Variants in SLC2A13 observed in about 807,000 individuals in gnomAD.
The protein encoded by SLC2A13 is proton myo-inositol cotransporter.
Under a neutral mutation model 64.4 loss-of-function variants are expected in SLC2A13, and 32 were observed. The observed-to-expected ratio is 0.50, with a 90% CI of 0.37 to 0.67. The LOEUF (loss-of-function observed/expected upper bound fraction) is 0.67. Among genes scored for constraint, SLC2A13 ranks in the 30% least tolerant of loss-of-function variants. The pLI is 0.00. For missense variants in SLC2A13, 743 were observed against 829.2 expected (o/e 0.90, Z 1.28); for synonymous variants, 338 against 327.1 (o/e 1.03, Z -0.36).
chr12:39,880,985 G>C (rs1565516943), intron 4 of SLC2A13, among the ~76,000 whole-genome samples: 2 of 152,202 alleles, frequency 1.3e-5, no homozygotes, highest in Admixed American at 1.3e-4. Context: ...TTTCCCATTT[G>C]TTGAATTGTA....
At chr12:40,038,774 G>GAAAGGA (rs1555156099) in intron 2 of SLC2A13, among the ~76,000 whole-genome samples, 52 of 150,412 alleles carry the variant, frequency 3.5e-4, no homozygotes, top group African/African-American at 1.2e-3. Context: ...AAGGGAAGGG[G>GAAAGGA]AAAGGGAAAG....
At chr12:39,951,768 C>G (rs2136101969) in intron 3 of SLC2A13, among the ~76,000 whole-genome samples, 1 of 152,186 alleles carries the variant, frequency 6.6e-6, no homozygotes, top group Non-Finnish European at 1.5e-5. Context: ...TTAAAAGTCA[C>G]TGGCAAAATT....
intron 3 of SLC2A13, among the ~76,000 whole-genome samples, chr12:39,990,670 G>A (rs570367607): frequency 2.0e-5 from 3 of 152,156 alleles, no homozygotes; most frequent in Non-Finnish European, 2.9e-5. Flanking sequence ...CTACGACTAG[G>A]TGGTTGTGAC....
intron 1 of SLC2A13, among the ~76,000 whole-genome samples, chr12:40,059,857 G>A (rs1206997708): frequency 6.6e-6 from 1 of 152,134 alleles, no homozygotes; most frequent in Non-Finnish European, 1.5e-5. Context: ...GGTATAGGGA[G>A]GATGCTCTCT....
rs981342578 is a variant in SLC2A13 at position 39,896,382 on chromosome 12, A to C, written c.1035-24421T>G. Among the ~76,000 whole-genome samples the C allele has an allele frequency of 1.1e-4, 14 of 128,870 alleles. 1 individual carries two copies. The highest frequency in any genetic ancestry group is 9.9e-4 in the Admixed American group (13 of 13,124). The allele number at this position is 128,870 out of a possible 152,430, so 84.5% of individuals were successfully genotyped here. On this transcript the variant is annotated intron_variant, in intron 4 of 9. Transcript: ENST00000280871. ...TGTGTATATATGTATACATATATGT[A>C]TGTATATGTGTATATATGTATACAT...
At chr12:40,091,084 T>G (rs1231275886) in intron 1 of SLC2A13, among the ~76,000 whole-genome samples, 2 of 152,184 alleles carry the variant, frequency 1.3e-5, no homozygotes, top group Non-Finnish European at 2.9e-5. Context: ...CTGTACAGCA[T>G]GTTATTGTAC....
chr12:39,983,205 G>A (rs1210652308), intron 3 of SLC2A13, among the ~76,000 whole-genome samples: 5 of 149,980 alleles, frequency 3.3e-5, no homozygotes, highest in Admixed American at 3.3e-4. Context: ...TTAAACATTA[G>A]ACCTAAAACC....
rs1291572310 is a variant in SLC2A13 at position 40,105,302 on chromosome 12, G to C, written c.507C>G (p.Asn169Lys). ...TAGSAVLAAA[N>K]NKETLLAGRL... ...GGCCGGCGAGCAGTGTCTCCTTGTT[G>C]TTGGCCGCAGCCAGCACCGCGGAGC... The change falls in exon 1 of 10, where the codon AAC becomes AAG. Residue 169 changes from asparagine to lysine, a missense_variant. Around this residue, in one of 2 missense-constraint regions of SLC2A13, gnomAD observed 448 missense variants for 447.4 expected, o/e 1.00. Coordinates refer to ENST00000280871, the MANE Select transcript of SLC2A13 (RefSeq NM_052885.4). This position sits in a 1 kb window ranked among gnomAD's most constrained non-coding sequence, Gnocchi z 4.2. 1 of 1,602,238 alleles carries C rather than the reference G, an allele frequency of 6.2e-7. No homozygotes were observed. Among genetic ancestry groups the C allele is most frequent in the East Asian group, 2.3e-5 (1 of 44,214 alleles).
chr12:39,833,686 T>C (rs919791907), intron 6 of SLC2A13, among the ~76,000 whole-genome samples: 1 of 152,094 alleles, frequency 6.6e-6, no homozygotes, highest in Non-Finnish European at 1.5e-5. Flanking sequence ...ATACTCACTG[T>C]TGCCAGGAAA....
chr12:39,814,977 C>CT (rs927720847), intron 7 of SLC2A13, among the ~76,000 whole-genome samples: 2,032 of 146,348 alleles, frequency 0.014, 20 homozygotes, highest in Non-Finnish European at 0.019. Context: ...TCTTCTTACA[C>CT]TTTTTTTTTT....
chr12:39,832,284 C>T (rs1354585837), intron 6 of SLC2A13, among the ~76,000 whole-genome samples: 3 of 151,950 alleles, frequency 2.0e-5, no homozygotes, highest in Non-Finnish European at 4.4e-5. Context: ...TGTATTCTGC[C>T]CATATGAAGT....
chr12:40,013,772 A>C (rs1214109669), intron 3 of SLC2A13, among the ~76,000 whole-genome samples: 2 of 152,248 alleles, frequency 1.3e-5, no homozygotes, highest in Non-Finnish European at 2.9e-5. Context: ...GGCCCTACGC[A>C]GGCACTGTAT....
At chr12:39,871,726 T>G in intron 5 of SLC2A13, 72 bp downstream of exon 5, 1 of 1,440,502 alleles carries the variant, frequency 6.9e-7, no homozygotes, top group Non-Finnish European at 9.3e-7. Flanking sequence ...GTAAGTATTG[T>G]ATTTTTGAAG....
intron 1 of SLC2A13, among the ~76,000 whole-genome samples, chr12:40,062,546 A>G (rs1323117887): frequency 6.6e-6 from 1 of 152,160 alleles, no homozygotes; most frequent in African/African-American, 2.4e-5. Context: ...AACTTAAAAC[A>G]TCAACTCTCT....
At chr12:39,803,729 T>A (rs190594997) in intron 7 of SLC2A13, among the ~76,000 whole-genome samples, 6 of 152,208 alleles carry the variant, frequency 3.9e-5, no homozygotes, top group Admixed American at 6.5e-5. Flanking sequence ...AAAGAGCTTA[T>A]GAGACAGGGA....
intron 3 of SLC2A13, among the ~76,000 whole-genome samples, chr12:39,991,578 C>A (rs1947139105): frequency 6.6e-6 from 1 of 152,184 alleles, no homozygotes; most frequent in African/African-American, 2.4e-5. Flanking sequence ...GTGAGGAAGA[C>A]CCCTCTCTTC....
chr12:39,786,889 T>C (rs1362330767), intron 7 of SLC2A13, among the ~76,000 whole-genome samples: 2 of 152,266 alleles, frequency 1.3e-5, no homozygotes, highest in African/African-American at 4.8e-5. Context: ...GCTAGTTCTT[T>C]GTCCACTTAC....
At chr12:39,800,315 C>T (rs1038482642) in intron 7 of SLC2A13, among the ~76,000 whole-genome samples, 8 of 152,080 alleles carry the variant, frequency 5.3e-5, no homozygotes, top group Non-Finnish European at 1.2e-4. Context: ...CAAGGTATTT[C>T]CAAGGGGGGA....
chr12:39,867,948 G>A (rs890735285), intron 5 of SLC2A13, among the ~76,000 whole-genome samples: 3 of 152,094 alleles, frequency 2.0e-5, no homozygotes, highest in African/African-American at 4.8e-5. Context: ...TATCTTAAAC[G>A]ACTTTATTTA....
Sources: gnomAD v4.1 joint callset for allele counts (sites outside exome capture counted in the v4.1 genomes callset) on GRCh38, gnomAD v4.1.1 for gene constraint, gnomAD v4.1.1 regional missense constraint, Gnocchi (gnomAD v3.1) non-coding constraint, MANE v1.5 for transcripts, NCBI Gene and HGNC (gene_info 2026-07-23, HGNC 2026-07-21) for gene names.